MAF: variants seen among roughly 807,000 people sequenced by gnomAD.
MAF encodes the protein transcription factor Maf.
In MAF, 10 loss-of-function variants were observed where a neutral mutation model predicts 22.0. The observed-to-expected ratio is 0.45, with a 90% CI of 0.28 to 0.77. The LOEUF is 0.77. Ranked by LOEUF, MAF falls within the 30% of genes least tolerant of loss-of-function variation. The probability of loss-of-function intolerance (pLI) is 0.12; values close to 1 mark genes in which losing one functional copy is unlikely to be tolerated. For synonymous variants in MAF, 337 were observed against 255.8 expected (o/e 1.32, Z -3.03); for missense variants, 544 against 548.4 (o/e 0.99, Z 0.08).
chr16:79,426,527 G>C, the MAF span, among the ~76,000 whole-genome samples: 1 of 152,102 alleles, frequency 6.6e-6, no homozygotes, highest in East Asian at 1.9e-4. Flanking sequence ...TTAGGATCCA[G>C]CCCTACCACA....
chr16:79,233,644 C>T, the MAF span, among the ~76,000 whole-genome samples: 3 of 152,046 alleles, frequency 2.0e-5, no homozygotes, highest in Non-Finnish European at 4.4e-5. Flanking sequence ...ACCGTTAAAA[C>T]TTCCCATGGG....
intron 1 of MAF, chr16:79,596,822 A>T: frequency 9.5e-7 from 1 of 1,049,674 alleles, no homozygotes; most frequent in Non-Finnish European, 1.2e-6. Context: ...ATCATCTTAA[A>T]ACTGTGCAGT....
chr16:79,386,074 A>G, the MAF span, among the ~76,000 whole-genome samples: 3 of 152,206 alleles, frequency 2.0e-5, no homozygotes, highest in African/African-American at 7.2e-5. Context: ...GTAGATAAAT[A>G]GGTGTATAAT....
the MAF span, among the ~76,000 whole-genome samples, chr16:79,404,267 A>G: frequency 1.6e-4 from 24 of 150,550 alleles, no homozygotes; most frequent in African/African-American, 5.7e-4. Context: ...GGGTTCAAGC[A>G]ATTCTCCTGC....
chr16:79,594,896 T>A, intron 1 of MAF: 1 of 1,201,274 alleles, frequency 8.3e-7, no homozygotes, highest in Non-Finnish European at 1.0e-6. Flanking sequence ...CTGCTTATTA[T>A]ATTCAACTAC....
the MAF span, among the ~76,000 whole-genome samples, chr16:79,442,062 G>T: frequency 4.6e-5 from 7 of 152,198 alleles, no homozygotes; most frequent in East Asian, 1.3e-3. Context: ...AATGGGATGG[G>T]CTATCCCTCA....
chr16:79,399,621 G>GT, the MAF span, among the ~76,000 whole-genome samples: 1 of 152,142 alleles, frequency 6.6e-6, no homozygotes, highest in African/African-American at 2.4e-5. Context: ...AGGGAGGGGT[G>GT]TTTTTGAGGG....
the MAF span, among the ~76,000 whole-genome samples, chr16:79,261,689 C>G: frequency 1.3e-5 from 2 of 152,196 alleles, no homozygotes; most frequent in Admixed American, 1.3e-4. Context: ...GTGGAGCCCT[C>G]TTCTGGCCAG....
chr16:79,212,080 C>T, the MAF span: 9 of 1,536,424 alleles, frequency 5.9e-6, no homozygotes, highest in Non-Finnish European at 7.0e-6. Context: ...GGTTCCGTAT[C>T]TCCCTGGAGA....
chr16:79,428,422 G>A, the MAF span, among the ~76,000 whole-genome samples: 704 of 152,308 alleles, frequency 4.6e-3, 10 homozygotes, highest in African/African-American at 0.016. Context: ...AATGTTGCAC[G>A]GGACGTGGTG....
At chr16:79,576,556 T>C in the MAF span, among the ~76,000 whole-genome samples, 2 of 152,304 alleles carry the variant, frequency 1.3e-5, no homozygotes, top group East Asian at 3.9e-4. Flanking sequence ...TGCTATTTTT[T>C]TTTTTCAGAG....
At chr16:79,425,659 T>G in the MAF span, among the ~76,000 whole-genome samples, 2 of 118,330 alleles carry the variant, frequency 1.7e-5, no homozygotes, top group African/African-American at 7.0e-5. Flanking sequence ...GAGCATCAAT[T>G]TAGATTTTTT....
chr16:79,429,461 C>G, the MAF span, among the ~76,000 whole-genome samples: 1 of 152,164 alleles, frequency 6.6e-6, no homozygotes, highest in South Asian at 2.1e-4. Flanking sequence ...GCCGTGCCTC[C>G]CTCGCCTGAT....
At chr16:79,292,616 T>C in the MAF span, among the ~76,000 whole-genome samples, 1 of 152,154 alleles carries the variant, frequency 6.6e-6, no homozygotes, top group Non-Finnish European at 1.5e-5. Flanking sequence ...CCATCTTGAA[T>C]AGGGGCTGGT....
At chr16:79,381,670 G>A in the MAF span, among the ~76,000 whole-genome samples, 3 of 152,166 alleles carry the variant, frequency 2.0e-5, no homozygotes, top group African/African-American at 7.2e-5. Context: ...TAGCTACAGT[G>A]TGAATCACGT....
the MAF span, among the ~76,000 whole-genome samples, chr16:79,565,170 G>T: frequency 1.3e-5 from 2 of 152,158 alleles, no homozygotes; most frequent in Non-Finnish European, 2.9e-5. Context: ...AAAATACCCA[G>T]TTACAATCCT....
the MAF span, among the ~76,000 whole-genome samples, chr16:79,223,990 A>C: frequency 6.6e-6 from 1 of 152,212 alleles, no homozygotes; most frequent in Non-Finnish European, 1.5e-5. Context: ...AAAAGAAGGA[A>C]TCCTCCTTAA....
chr16:79,208,698 G>T, the MAF span, among the ~76,000 whole-genome samples: 1 of 151,808 alleles, frequency 6.6e-6, no homozygotes, highest in Admixed American at 6.6e-5. Context: ...TTACTATTGA[G>T]ATTTCACTAA....
chr16:79,226,607 T>C, the MAF span, among the ~76,000 whole-genome samples: 5 of 152,110 alleles, frequency 3.3e-5, no homozygotes, highest in Admixed American at 3.3e-4. Flanking sequence ...TGATCCCATT[T>C]TTGTTAAACC....
Sources: allele counts gnomAD v4.1 joint callset (sites outside exome capture counted in the v4.1 genomes callset), GRCh38; gene constraint gnomAD v4.1.1; transcripts MANE v1.5; gene names NCBI Gene and HGNC (gene_info 2026-07-23, HGNC 2026-07-21).